Variants in EYA1 observed in about 807,000 individuals in gnomAD.
EYA1 encodes the protein protein phosphatase EYA1.
Under a neutral mutation model 82.0 loss-of-function variants are expected in EYA1, and 16 were observed. The observed-to-expected ratio is 0.20, with a 90% CI of 0.13 to 0.30. The LOEUF is 0.30. Among genes scored for constraint, EYA1 ranks in the 10% least tolerant of loss-of-function variants. EYA1 has a pLI of 1.00. For missense variants in EYA1, 633 were observed against 730.7 expected (o/e 0.87, Z 1.54); for synonymous variants, 261 against 264.4 (o/e 0.99, Z 0.12).
upstream of EYA1, among the ~76,000 whole-genome samples, chr8:71,366,038 C>A (rs1004586052): frequency 1.3e-5 from 2 of 152,016 alleles, no homozygotes; most frequent in African/African-American, 4.8e-5. Context: ...GAAAATAGAA[C>A]CTATTTCCTG....
At chr8:71,439,360 A>G (rs1460328035) in intron 2 of EYA1, among the ~76,000 whole-genome samples, 1 of 152,106 alleles carries the variant, frequency 6.6e-6, no homozygotes, top group South Asian at 2.1e-4. Context: ...CCCAGTCACT[A>G]TAAGTTGGAG....
chr8:71,533,062 G>A (rs1310997534), intron 2 of EYA1, among the ~76,000 whole-genome samples: 1 of 152,186 alleles, frequency 6.6e-6, no homozygotes, highest in Non-Finnish European at 1.5e-5. Context: ...TTTAGAACAG[G>A]CAAAACTGAT....
chr8:71,230,387 A>G (rs963210465), intron 12 of EYA1, among the ~76,000 whole-genome samples: 2 of 152,190 alleles, frequency 1.3e-5, no homozygotes, highest in Non-Finnish European at 2.9e-5. Context: ...AAATAAACTG[A>G]AGCAATCCAG....
intron 7 of EYA1, among the ~76,000 whole-genome samples, chr8:71,307,779 G>A (rs532829013): frequency 1.3e-5 from 2 of 152,160 alleles, no homozygotes; most frequent in African/African-American, 4.8e-5. Flanking sequence ...GGAGCATGCC[G>A]CTAGGATGTT....
chr8:71,301,859 G>T (rs913779798), intron 7 of EYA1, among the ~76,000 whole-genome samples: 1 of 151,636 alleles, frequency 6.6e-6, no homozygotes, highest in Non-Finnish European at 1.5e-5. Context: ...GGGCTAAAAG[G>T]ATGACTAAGA....
chr8:71,263,255 C>G (rs572680098), intron 11 of EYA1, among the ~76,000 whole-genome samples: 1 of 152,288 alleles, frequency 6.6e-6, no homozygotes, highest in African/African-American at 2.4e-5. Context: ...CTGTCTCAGC[C>G]TAGCTTACAA....
chr8:71,405,296 T>A (rs1265200501), intron 2 of EYA1, among the ~76,000 whole-genome samples: 4 of 152,206 alleles, frequency 2.6e-5, no homozygotes, highest in African/African-American at 9.6e-5. Context: ...AGAACAATGA[T>A]TGCTCAAGAC....
chr8:71,411,554 T>C (rs1185573735), intron 2 of EYA1, among the ~76,000 whole-genome samples: 1 of 148,556 alleles, frequency 6.7e-6, no homozygotes, highest in East Asian at 1.9e-4. Flanking sequence ...AACAACCCCA[T>C]CAAAAAGTGG....
At chr8:71,331,910 C>T (rs939724542) in intron 4 of EYA1, among the ~76,000 whole-genome samples, 1 of 152,128 alleles carries the variant, frequency 6.6e-6, no homozygotes, top group Non-Finnish European at 1.5e-5. Context: ...TGCAGTGGTG[C>T]AATCATAGCT....
intron 1 of EYA1, among the ~76,000 whole-genome samples, chr8:71,358,376 T>C (rs926713270): frequency 2.0e-5 from 3 of 152,196 alleles, no homozygotes; most frequent in Non-Finnish European, 4.4e-5. Flanking sequence ...CTACAACTTT[T>C]GAAAGTCCAT....
intron 2 of EYA1, among the ~76,000 whole-genome samples, chr8:71,462,645 A>C (rs1808451783): frequency 6.6e-6 from 1 of 152,134 alleles, no homozygotes; most frequent in African/African-American, 2.4e-5. Flanking sequence ...CCTGGAGTGC[A>C]GTACCACCCC....
At chr8:71,268,043 A>G (rs1187824607) in intron 11 of EYA1, among the ~76,000 whole-genome samples, 1 of 152,250 alleles carries the variant, frequency 6.6e-6, no homozygotes. Context: ...AGGCATTTCT[A>G]GGTTAAGTGT....
chr8:71,242,749 G>A (rs1047039803), intron 12 of EYA1, among the ~76,000 whole-genome samples: 1 of 149,740 alleles, frequency 6.7e-6, no homozygotes, highest in Non-Finnish European at 1.5e-5. Flanking sequence ...CCTAATTTTG[G>A]CACTGTATAA....
Position 71,287,258 on chromosome 8 carries a change from A to T in EYA1, c.826+11789T>A, listed in dbSNP as rs1818491273. ...TTGTAATAATTTTGTTTTCAGTCAT[A>T]GAAATCTCCCACAAAAAACTTTTGT... On this transcript the variant is annotated intron_variant, in intron 9 of 17. Transcript: ENST00000340726. Among the ~76,000 whole-genome samples the T allele has an allele frequency of 2.6e-5, 4 of 152,348 alleles. No individual in the cohort carries two copies. The South Asian group carries it at 8.3e-4, about 32-fold the overall frequency.
chr8:71,547,794 C>A (rs1232295439), intron 1 of EYA1: 1 of 150,668 alleles, frequency 6.6e-6, no homozygotes, highest in African/African-American at 2.4e-5. Context: ...GGAGCGCGGC[C>A]GCCGCGAGCC....
chr8:71,236,045 TTTA>T lies in EYA1; in HGVS notation c.1140+8555_1140+8557del, dbSNP rs917461429. Among the ~76,000 whole-genome samples, 591 of 140,176 alleles carry T rather than the reference TTTA, an allele frequency of 4.2e-3. 2 individuals are homozygous for T. The highest frequency in any genetic ancestry group is 0.016 in the African/African-American group (495 of 30,086). 92.0% of individuals were successfully genotyped at this position (140,176 alleles called of 152,430 possible). ...TACGTGTTGAATACAAATTTTACTCTTTATTTTATTTTTTTGAAATAGTCTCAC... is the reference window on the plus strand; with the variant it reads ...TACGTGTTGAATACAAATTTTACTCTTTTTATTTTTTTGAAATAGTCTCAC... On this transcript the variant is annotated intron_variant, in intron 12 of 17. Coordinates refer to ENST00000340726, the MANE Select transcript of EYA1 (RefSeq NM_000503.6).
chr8:71,435,571 A>C (rs1805952396), intron 2 of EYA1, among the ~76,000 whole-genome samples: 1 of 152,118 alleles, frequency 6.6e-6, no homozygotes, highest in East Asian at 1.9e-4. Flanking sequence ...AGCTATTAAG[A>C]TAAAGCAGAA....
In EYA1 at chr8:71,338,482, G is replaced by T. The variant is rs553544307; in HGVS notation, c.125-4308C>A. On this transcript the variant is annotated intron_variant, in intron 3 of 17. Coordinates refer to ENST00000340726, the MANE Select transcript of EYA1 (RefSeq NM_000503.6). ...TTCCTTCGTCATAAATTTCAGTGTG[G>T]ATCTATCTATCAGACCATTGGAGCT... Among the ~76,000 whole-genome samples, 24 of 152,192 alleles carry T rather than the reference G, an allele frequency of 1.6e-4. No individual in the cohort carries two copies. In the South Asian group the frequency reaches 4.4e-3, roughly 28 times the overall value.
chr8:71,217,491 C>G (rs1323932636), intron 12 of EYA1, among the ~76,000 whole-genome samples: 1 of 152,138 alleles, frequency 6.6e-6, no homozygotes, highest in East Asian at 1.9e-4. Flanking sequence ...CAGCCTGAGG[C>G]CAGTGTGTTG....
Sources: gnomAD v4.1 joint callset for allele counts (sites outside exome capture counted in the v4.1 genomes callset) on GRCh38, gnomAD v4.1.1 for gene constraint, MANE v1.5 for transcripts, NCBI Gene and HGNC (gene_info 2026-07-23, HGNC 2026-07-21) for gene names.